The following UBE3A variants were observed in gnomAD, a reference collection of about 807,000 sequenced individuals.
UBE3A encodes the protein ubiquitin-protein ligase E3A.
In UBE3A, 6 loss-of-function variants were observed where a neutral mutation model predicts 83.4. The observed-to-expected ratio is 0.07, with a 90% CI of 0.04 to 0.14. The LOEUF is 0.14. Ranked by LOEUF, UBE3A falls within the 10% of genes least tolerant of loss-of-function variation. The probability of loss-of-function intolerance (pLI) is 1.00; values close to 1 mark genes in which losing one functional copy is unlikely to be tolerated. For missense variants in UBE3A, 456 were observed against 1,036.1 expected (o/e 0.44, Z 7.69); for synonymous variants, 337 against 355.4 (o/e 0.95, Z 0.58).
At chr15:25,399,320 T>C (rs575896279) in intron 4 of UBE3A, among the ~76,000 whole-genome samples, 1 of 152,320 alleles carries the variant, frequency 6.6e-6, no homozygotes, top group East Asian at 1.9e-4. Context: ...TTTATTCTGG[T>C]AGTTCTACAG....
In UBE3A at chr15:25,338,914, T is replaced by G. The variant is rs921490982; in HGVS notation, c.*223A>C. On this transcript the variant is annotated 3_prime_UTR_variant, in exon 13 of 13. Transcript: ENST00000648336. ...AATAATTATAATAATAATAAAGGAT[T>G]TGTTCATATATGTAGCTGAAATCTG... 7 of 268,158 alleles carry G rather than the reference T, an allele frequency of 2.6e-5. No individual in the cohort carries two copies. The highest frequency in any genetic ancestry group is 1.6e-4 in the African/African-American group (7 of 44,924). The allele number at this position is 268,158 out of a possible 1,614,324, so 16.6% of individuals were successfully genotyped here. A position where few individuals can be genotyped will look rare whatever the true frequency, so the allele number is the denominator to read the frequency against.
rs1257795541 is a variant in UBE3A at position 25,438,984 on chromosome 15, GAC to G, written c.-662_-661del. 2 of 152,148 alleles carry G rather than the reference GAC, an allele frequency of 1.3e-5. No homozygotes were observed. Among genetic ancestry groups the G allele is most frequent in the Non-Finnish European group, 2.9e-5 (2 of 68,046 alleles). The allele number at this position is 152,148 out of a possible 1,614,324, so 9.4% of individuals were successfully genotyped here. ...CGAGCCCAGCGCCACCATCTTGGGA[GAC>G]ACACGGATCTCGCGGCCGCGGCGCA... On this transcript the variant is annotated 5_prime_UTR_variant, in exon 1 of 13. Coordinates refer to ENST00000648336, the MANE Select transcript of UBE3A (RefSeq NM_130839.5).
chr15:25,421,997 T>C (rs1180738676), intron 1 of UBE3A: 1 of 152,164 alleles, frequency 6.6e-6, no homozygotes, highest in Non-Finnish European at 1.5e-5. Flanking sequence ...CACAAAAACA[T>C]GCACACAAAA....
At chr15:25,344,797 T>C (rs541079614) in intron 11 of UBE3A, among the ~76,000 whole-genome samples, 2 of 152,192 alleles carry the variant, frequency 1.3e-5, no homozygotes, top group Admixed American at 6.5e-5. Flanking sequence ...CAGGTATATA[T>C]GTAGGACAAG....
rs1254037406 is a variant in UBE3A at position 25,337,545 on chromosome 15, T to C, written c.*1592A>G. 2 of 152,154 alleles carry C rather than the reference T, an allele frequency of 1.3e-5. No individual in the cohort carries two copies. Among genetic ancestry groups the C allele is most frequent in the Non-Finnish European group, 2.9e-5 (2 of 68,012 alleles). The allele number at this position is 152,154 out of a possible 1,614,324, so 9.4% of individuals were successfully genotyped here. On this transcript the variant is annotated 3_prime_UTR_variant, in exon 13 of 13. Transcript: ENST00000648336. ...ATGGTACATAACAAACAGTTCTGTC[T>C]CAATTATGAAAAAAATTAATTAAAA...
intron 1 of UBE3A, among the ~76,000 whole-genome samples, chr15:25,436,267 C>A (rs948905873): frequency 6.6e-6 from 1 of 152,116 alleles, no homozygotes; most frequent in Non-Finnish European, 1.5e-5. Context: ...TTGTCTTCAC[C>A]CCGATCTAAA....
chr15:25,413,238 T>A (rs991097379), intron 1 of UBE3A, among the ~76,000 whole-genome samples: 1 of 152,202 alleles, frequency 6.6e-6, no homozygotes, highest in Non-Finnish European at 1.5e-5. Context: ...AATAATCTTA[T>A]AAATAAGTAT....
intron 4 of UBE3A, among the ~76,000 whole-genome samples, chr15:25,380,687 A>C (rs1368554778): frequency 6.6e-6 from 1 of 152,164 alleles, no homozygotes; most frequent in African/African-American, 2.4e-5. Flanking sequence ...TTCATAATCA[A>C]AATTCCTAGA....
At chr15:25,432,030 C>T (rs1399766123) in intron 1 of UBE3A, among the ~76,000 whole-genome samples, 1 of 152,148 alleles carries the variant, frequency 6.6e-6, no homozygotes, top group Non-Finnish European at 1.5e-5. Context: ...TTCTAAAGAA[C>T]AGCATTATGG....
intron 7 of UBE3A, among the ~76,000 whole-genome samples, chr15:25,358,644 G>C (rs980009542): frequency 3.9e-5 from 6 of 152,060 alleles, no homozygotes; most frequent in African/African-American, 1.4e-4. Context: ...ATTTTAACCT[G>C]TTTATAAGAA....
chr15:25,373,209 C>T lies in UBE3A; in HGVS notation c.362-1397G>A, dbSNP rs940322978. On this transcript the variant is annotated intron_variant, in intron 5 of 12. Coordinates refer to ENST00000648336, the MANE Select transcript of UBE3A (RefSeq NM_130839.5). The stretch of plus-strand genomic sequence containing the variant: ...TGAAAATTTTTAAAATACCTTCTTA[C>T]AAGACAATGCAAAACTCCTAATTTC... Among the ~76,000 whole-genome samples, 3 of 152,166 alleles carry T rather than the reference C, an allele frequency of 2.0e-5. No individual in the cohort carries two copies. In the East Asian group the frequency reaches 5.8e-4, roughly 29 times the overall value.
At chr15:25,435,958 C>T (rs1209900831) in intron 1 of UBE3A, among the ~76,000 whole-genome samples, 1 of 152,176 alleles carries the variant, frequency 6.6e-6, no homozygotes, top group Non-Finnish European at 1.5e-5. Flanking sequence ...TGAGTGCCTA[C>T]GTGTTAGGCG....
chr15:25,430,110 AATAC>A (rs1461975346), intron 1 of UBE3A, among the ~76,000 whole-genome samples: 3 of 90,998 alleles, frequency 3.3e-5, no homozygotes, highest in Non-Finnish European at 5.6e-5. Flanking sequence ...TTATATATAT[AATAC>A]ATATATATAA....
chr15:25,417,953 G>C (rs1887759384), intron 1 of UBE3A: 1 of 151,890 alleles, frequency 6.6e-6, no homozygotes, highest in Admixed American at 6.6e-5. Context: ...TCTCAGCATG[G>C]TAATCATTGT....
Position 25,340,132 on chromosome 15 carries a change from T to C in UBE3A, c.2451A>G (p.Leu817=), listed in dbSNP as rs781249210. ...TGTDRAPVGG[L]GKLKMIIAKN... ...TGGCTATAATCATCTTTAATTTTCC[T>C]AGTCCTCCCACAGGTGCTCTGTCTG... The change falls in exon 12 of 13, where the codon CTA becomes CTG. Residue 817 remains leucine (L), a synonymous_variant. Coordinates refer to ENST00000648336, the MANE Select transcript of UBE3A (RefSeq NM_130839.5). 6.2e-7 allele frequency: 1 copy of C among 1,614,108 alleles called. No individual in the cohort carries two copies. The highest frequency in any genetic ancestry group is 1.7e-5 in the Admixed American group (1 of 60,024).
chr15:25,371,827 G>A lies in UBE3A; in HGVS notation c.362-15C>T, dbSNP rs767297415. On this transcript the variant is annotated splice_polypyrimidine_tract_variant and intron_variant, in intron 5 of 12. Transcript: ENST00000648336. The surrounding 1 kb of genome is among the most constrained non-coding windows in gnomAD (Gnocchi z 5.3). The stretch of plus-strand genomic sequence containing the variant: ...GTAAGTCACATCTAGAAAATCAGAG[G>A]AAAAAAGAGAACATTTATTTTCATA... 6.9e-6 allele frequency: 11 copies of A among 1,594,370 alleles called. No homozygotes were observed. The Admixed American group carries it at 7.0e-5, about 10-fold the overall frequency.
chr15:25,429,432 T>C (rs950031136), intron 1 of UBE3A, among the ~76,000 whole-genome samples: 1 of 152,208 alleles, frequency 6.6e-6, no homozygotes, highest in East Asian at 1.9e-4. Flanking sequence ...TATACACTTA[T>C]TTTAAAAACA....
At chr15:25,387,244 G>A (rs541415493) in intron 4 of UBE3A, among the ~76,000 whole-genome samples, 2 of 152,294 alleles carry the variant, frequency 1.3e-5, no homozygotes, top group South Asian at 2.1e-4. Flanking sequence ...TATCTAGGCC[G>A]GGCGCTGTGG....
At chr15:25,346,835 G>C (rs2152566891) in intron 11 of UBE3A, 1 of 152,278 alleles carries the variant, frequency 6.6e-6, no homozygotes, top group Middle Eastern at 3.4e-3. Flanking sequence ...CCATGCCTCA[G>C]GTCCATGTGG....
Sources: gnomAD v4.1 joint callset for allele counts (sites outside exome capture counted in the v4.1 genomes callset) on GRCh38, gnomAD v4.1.1 for gene constraint, Gnocchi (gnomAD v3.1) non-coding constraint, MANE v1.5 for transcripts, NCBI Gene and HGNC (gene_info 2026-07-23, HGNC 2026-07-21) for gene names.